The following UVRAG variants were observed in gnomAD, a reference collection of about 807,000 sequenced individuals.
UVRAG encodes UV radiation resistance-associated gene protein.
Under a neutral mutation model 78.0 loss-of-function variants are expected in UVRAG, and 19 were observed. The observed-to-expected ratio is 0.24, with a 90% CI of 0.17 to 0.36. The LOEUF is 0.36. Among genes scored for constraint, UVRAG ranks in the 10% least tolerant of loss-of-function variants. The pLI is 1.00. For missense variants in UVRAG, 740 were observed against 853.8 expected (o/e 0.87, Z 1.66); for synonymous variants, 323 against 324.6 (o/e 1.00, Z 0.05).
At chr11:75,963,716 T>C (rs1948955301) in intron 7 of UVRAG, among the ~76,000 whole-genome samples, 1 of 152,214 alleles carries the variant, frequency 6.6e-6, no homozygotes, top group Non-Finnish European at 1.5e-5. Flanking sequence ...CTTTCAAAAA[T>C]TTGGCATCTT....
chr11:76,086,213 T>C (rs1050668156), intron 13 of UVRAG, among the ~76,000 whole-genome samples: 4 of 152,210 alleles, frequency 2.6e-5, no homozygotes, highest in Non-Finnish European at 5.9e-5. Flanking sequence ...TGAACTTAAA[T>C]CTTTCTTTAG....
At chr11:75,876,835 TTTTTTTATTTTTTA>T in intron 3 of UVRAG, among the ~76,000 whole-genome samples, 1 of 149,942 alleles carries the variant, frequency 6.7e-6, no homozygotes, top group East Asian at 1.9e-4. Context: ...CCTTATGTTT[TTTTTTTATTTTTTA>T]TTTTTTATTT....
intron 7 of UVRAG, among the ~76,000 whole-genome samples, chr11:75,964,745 A>C (rs1234075277): frequency 6.6e-6 from 1 of 152,222 alleles, no homozygotes; most frequent in Non-Finnish European, 1.5e-5. Context: ...TACTGAAAGT[A>C]CAAAAAATTA....
intron 6 of UVRAG, among the ~76,000 whole-genome samples, chr11:75,937,211 T>C (rs1303946612): frequency 6.6e-6 from 1 of 152,140 alleles, no homozygotes; most frequent in Non-Finnish European, 1.5e-5. Flanking sequence ...CTACTAAAAA[T>C]ACAAAAATTA....
rs576036854 is a variant in UVRAG at position 76,140,882 on chromosome 11, C to G, written c.1569C>G (p.Tyr523Ter). The change falls in exon 15 of 15, where the codon TAC becomes TAG. Residue 523 changes from tyrosine to a stop codon, truncating the protein, a stop_gained. Transcript: ENST00000356136. LOFTEE classifies it high-confidence loss of function. ...AGTACAAAACCCCTCCTCCCAGTTA[C>G]AACTCAGCATTAGCCCAGCCTGTGA... ...RLQYKTPPPSYNSALAQPVTT... is the reference protein window; with the variant it reads ...RLQYKTPPPS 6.2e-7 allele frequency: 1 copy of G among 1,614,194 alleles called. No individual in the cohort carries two copies. The highest frequency in any genetic ancestry group is 1.3e-5 in the African/African-American group (1 of 75,054).
chr11:76,031,280 A>G (rs1417472364), intron 12 of UVRAG, among the ~76,000 whole-genome samples: 1 of 152,220 alleles, frequency 6.6e-6, no homozygotes, highest in African/African-American at 2.4e-5. Context: ...TTTTAAAATA[A>G]GGAATCCCCA....
intron 13 of UVRAG, among the ~76,000 whole-genome samples, chr11:76,091,063 G>T (rs1219611527): frequency 6.6e-6 from 1 of 152,186 alleles, no homozygotes; most frequent in Non-Finnish European, 1.5e-5. Flanking sequence ...AGCTTCCTAA[G>T]AAAGCATGCA....
chr11:76,125,507 C>T (rs968155943), intron 14 of UVRAG, among the ~76,000 whole-genome samples: 2 of 150,910 alleles, frequency 1.3e-5, no homozygotes, highest in African/African-American at 5.0e-5. Context: ...CAGGCCCCCT[C>T]CTGCGGTTAA....
chr11:76,071,916 ATCT>A (rs1467002413), intron 13 of UVRAG, among the ~76,000 whole-genome samples: 8 of 152,188 alleles, frequency 5.3e-5, no homozygotes, highest in African/African-American at 1.7e-4. Context: ...CAACCAAAAG[ATCT>A]TCTTTGCAAA....
At chr11:76,073,001 C>A (rs1015953634) in intron 13 of UVRAG, among the ~76,000 whole-genome samples, 4 of 152,214 alleles carry the variant, frequency 2.6e-5, no homozygotes, top group Non-Finnish European at 4.4e-5. Flanking sequence ...AAATTGCTGG[C>A]CACTTAGAAC....
intron 2 of UVRAG, among the ~76,000 whole-genome samples, chr11:75,852,555 CAT>C (rs979597221): frequency 1.2e-4 from 18 of 152,102 alleles, no homozygotes; most frequent in African/African-American, 4.3e-4. Context: ...GGCACTGAGA[CAT>C]AATCCGTTGG....
At chr11:75,822,371 T>A (rs905125097) in intron 1 of UVRAG, among the ~76,000 whole-genome samples, 7 of 152,242 alleles carry the variant, frequency 4.6e-5, no homozygotes, top group Non-Finnish European at 8.8e-5. Flanking sequence ...ACATTAGATG[T>A]GTGGGGCTTT....
chr11:75,888,739 A>AGT (rs1205143903), intron 4 of UVRAG, 90 bp from the exon 5 acceptor site: 15 of 1,095,114 alleles, frequency 1.4e-5, no homozygotes, highest in Non-Finnish European at 2.0e-5. Flanking sequence ...TCAGTATTGA[A>AGT]GTAGATCCTG....
intron 6 of UVRAG, among the ~76,000 whole-genome samples, chr11:75,936,502 G>T (rs994566454): frequency 6.6e-6 from 1 of 152,090 alleles, no homozygotes; most frequent in African/African-American, 2.4e-5. Context: ...ATGGATTCCT[G>T]TTTTATCCGG....
At chr11:76,077,528 A>C (rs900253707) in intron 13 of UVRAG, among the ~76,000 whole-genome samples, 1 of 152,254 alleles carries the variant, frequency 6.6e-6, no homozygotes, top group Non-Finnish European at 1.5e-5. Context: ...ATGAAAAATA[A>C]AACAATTGTA....
Position 76,008,834 on chromosome 11 carries a change from G to A in UVRAG, c.1027G>A (p.Gly343Ser), listed in dbSNP as rs1166143922. 16 of 1,492,862 alleles carry A rather than the reference G, an allele frequency of 1.1e-5. No homozygotes were observed. The highest frequency in any genetic ancestry group is 2.8e-5 in the African/African-American group (2 of 71,704). 92.5% of individuals were successfully genotyped at this position (1,492,862 alleles called of 1,614,324 possible). The change falls in exon 11 of 15, where the codon GGT becomes AGT. Residue 343 changes from glycine to serine, a missense_variant. Coordinates refer to ENST00000356136, the MANE Select transcript of UVRAG (RefSeq NM_003369.4). ...TGAACATAAGGATTACTTTGTATGC[G>A]GTGTCAAGTTGCCTAATTCTGAGGA... is the stretch of plus-strand genomic sequence containing the variant. ...LNEHKDYFVC[G>S]VKLPNSEDFQ...
In UVRAG at chr11:75,815,216, A is replaced by T. The variant is rs1035659649; in HGVS notation, c.-192A>T. On this transcript the variant is annotated 5_prime_UTR_variant, in exon 1 of 15. It removes an upstream start codon present in the reference 5' UTR. Transcript: ENST00000356136. ...GGTGGAGGGGTTGCACTGCGGTAAT[A>T]TGGCTCTTCCTTAGCCAGCGGCGGC... 1.4e-5 allele frequency: 6 copies of T among 431,510 alleles called. No homozygotes were observed. In the East Asian group the frequency reaches 2.1e-4, roughly 15 times the overall value. The allele number at this position is 431,510 out of a possible 1,614,324, so 26.7% of individuals were successfully genotyped here. A position where few individuals can be genotyped will look rare whatever the true frequency, so the allele number is the denominator to read the frequency against.
intron 6 of UVRAG, among the ~76,000 whole-genome samples, chr11:75,946,928 G>A (rs1305050875): frequency 6.6e-6 from 1 of 152,166 alleles, no homozygotes; most frequent in Non-Finnish European, 1.5e-5. Flanking sequence ...TCTGAAGGCT[G>A]GAACTCTGAG....
At chr11:75,835,151 ATT>A (rs1319250330) in intron 1 of UVRAG, 4 of 152,148 alleles carry the variant, frequency 2.6e-5, no homozygotes. Flanking sequence ...AATCATATGA[ATT>A]TTTGTGTGTA....
Sources: allele counts gnomAD v4.1 joint callset (sites outside exome capture counted in the v4.1 genomes callset), GRCh38; gene constraint gnomAD v4.1.1; transcripts MANE v1.5; gene names NCBI Gene and HGNC (gene_info 2026-07-23, HGNC 2026-07-21).